C12orf42: variants seen among roughly 807,000 people sequenced by gnomAD.
The protein encoded by C12orf42 is chromosome 12 open reading frame 42.
A neutral mutation model predicts 21.6 loss-of-function variants in C12orf42; 25 were observed. That is an observed-to-expected ratio of 1.16 (90% confidence interval 0.84 to 1.62). The LOEUF (loss-of-function observed/expected upper bound fraction) is 1.62. Among genes scored for constraint, C12orf42 ranks in the 40% most tolerant of loss-of-function variants. C12orf42 has a pLI of 0.00. For missense variants in C12orf42, 483 were observed against 459.3 expected, an observed-to-expected ratio of 1.05 and a Z score of -0.47; for synonymous variants, 174 against 175.0, an observed-to-expected ratio of 0.99 and a Z score of 0.05.
intron 10 of C12orf42, among the ~76,000 whole-genome samples, chr12:103,245,227 T>C (rs113704456): frequency 6.6e-6 from 1 of 152,184 alleles, no homozygotes; most frequent in African/African-American, 2.4e-5. Flanking sequence ...ACTCACCTAG[T>C]AAAGATAAAT....
the C12orf42 span, among the ~76,000 whole-genome samples, chr12:103,063,306 A>G: frequency 6.6e-6 from 1 of 152,210 alleles, no homozygotes; most frequent in Non-Finnish European, 1.5e-5. Context: ...GGAAAAACAG[A>G]CATAAGCTCT....
downstream of C12orf42, among the ~76,000 whole-genome samples, chr12:103,233,257 C>G (rs559593855): frequency 6.6e-6 from 1 of 152,324 alleles, no homozygotes; most frequent in South Asian, 2.1e-4. Flanking sequence ...CAGATAGTGT[C>G]AGTCCTCCAA....
At chr12:103,390,888 T>A (rs568143481) in intron 3 of C12orf42, among the ~76,000 whole-genome samples, 2 of 152,332 alleles carry the variant, frequency 1.3e-5, no homozygotes, top group East Asian at 3.9e-4. Context: ...GGACAGATGA[T>A]TTTTATTCAG....
At chr12:103,487,238 G>T (rs187684502) in intron 1 of C12orf42, among the ~76,000 whole-genome samples, 1 of 152,308 alleles carries the variant, frequency 6.6e-6, no homozygotes, top group African/African-American at 2.4e-5. Flanking sequence ...GGAGCAGGTT[G>T]TTCAGTTTCC....
At chr12:103,353,430 G>C (rs995436244) in intron 4 of C12orf42, among the ~76,000 whole-genome samples, 1 of 152,078 alleles carries the variant, frequency 6.6e-6, no homozygotes, top group Non-Finnish European at 1.5e-5. Context: ...TGCATGTTTT[G>C]ATCCACATGG....
the C12orf42 span, among the ~76,000 whole-genome samples, chr12:103,179,028 A>C: frequency 6.6e-6 from 1 of 152,142 alleles, no homozygotes; most frequent in Non-Finnish European, 1.5e-5. Flanking sequence ...AATTATTTAG[A>C]AGTAATTACC....
intron 4 of C12orf42, among the ~76,000 whole-genome samples, chr12:103,331,749 G>C (rs2041256152): frequency 1.3e-5 from 2 of 152,248 alleles, no homozygotes; most frequent in South Asian, 4.2e-4. Context: ...CCGGACACAG[G>C]ACACCTCTCA....
chr12:103,453,339 A>G (rs961049886), intron 2 of C12orf42, among the ~76,000 whole-genome samples: 49 of 151,860 alleles, frequency 3.2e-4, no homozygotes, highest in Non-Finnish European at 7.2e-4. Context: ...TTTCAAATTT[A>G]TTAACATAAA....
At chr12:103,172,284 A>G in the C12orf42 span, among the ~76,000 whole-genome samples, 1 of 152,104 alleles carries the variant, frequency 6.6e-6, no homozygotes, top group Non-Finnish European at 1.5e-5. Context: ...TAGAAGAAAT[A>G]GCTCTAAGGA....
chr12:103,410,917 C>T (rs1179356223), intron 2 of C12orf42, among the ~76,000 whole-genome samples: 11 of 152,198 alleles, frequency 7.2e-5, no homozygotes, highest in Admixed American at 7.2e-4. Flanking sequence ...CTACTGTCAT[C>T]TCTATTTAGA....
At chr12:103,156,497 TA>T in the C12orf42 span, among the ~76,000 whole-genome samples, 1 of 152,130 alleles carries the variant, frequency 6.6e-6, no homozygotes, top group African/African-American at 2.4e-5. Flanking sequence ...TACACTCCAA[TA>T]AAAAGTGAAT....
chr12:103,481,681 C>T (rs555770229), intron 1 of C12orf42, among the ~76,000 whole-genome samples: 2 of 151,332 alleles, frequency 1.3e-5, no homozygotes, highest in African/African-American at 4.8e-5. Context: ...GTCTGACAAC[C>T]TTAACTAAGA....
the C12orf42 span, among the ~76,000 whole-genome samples, chr12:103,523,882 G>C: frequency 6.6e-6 from 1 of 151,604 alleles, no homozygotes; most frequent in African/African-American, 2.4e-5. Flanking sequence ...ATAGAGATAA[G>C]TGTTGGAGCT....
intron 2 of C12orf42, among the ~76,000 whole-genome samples, chr12:103,407,239 G>A (rs1457244882): frequency 6.6e-6 from 1 of 151,990 alleles, no homozygotes; most frequent in African/African-American, 2.4e-5. Flanking sequence ...AAAAGAGACT[G>A]GCATTGCATT....
chr12:103,532,220 C>T, the C12orf42 span, among the ~76,000 whole-genome samples: 1 of 152,214 alleles, frequency 6.6e-6, no homozygotes, highest in East Asian at 1.9e-4. Flanking sequence ...GTATAAAAAG[C>T]TCCATAATTT....
chr12:103,203,038 G>A, the C12orf42 span, among the ~76,000 whole-genome samples: 71 of 152,290 alleles, frequency 4.7e-4, no homozygotes, highest in East Asian at 0.013. Flanking sequence ...GACTTGAAGG[G>A]TAGTGGCAGC....
chr12:103,240,963 T>C (rs757740488), intron 10 of C12orf42, among the ~76,000 whole-genome samples: 1 of 152,180 alleles, frequency 6.6e-6, no homozygotes, highest in Non-Finnish European at 1.5e-5. Context: ...AAATTGCTCA[T>C]AGCAGAATGC....
the C12orf42 span, among the ~76,000 whole-genome samples, chr12:103,069,044 T>C: frequency 6.9e-3 from 993 of 143,372 alleles, 20 homozygotes; most frequent in African/African-American, 0.024. Flanking sequence ...TGCTGATTTA[T>C]GTATTTTTAA....
intron 3 of C12orf42, among the ~76,000 whole-genome samples, chr12:103,394,458 G>T (rs2047342040): frequency 6.6e-6 from 1 of 152,150 alleles, no homozygotes; most frequent in East Asian, 1.9e-4. Flanking sequence ...CACTTTAACA[G>T]TTGCTGTGGA....
Sources: allele counts gnomAD v4.1 joint callset (sites outside exome capture counted in the v4.1 genomes callset), GRCh38; gene constraint gnomAD v4.1.1; transcripts MANE v1.5; gene names NCBI Gene and HGNC (gene_info 2026-07-23, HGNC 2026-07-21).